The following CUBN variants were observed in gnomAD, a reference collection of about 807,000 sequenced individuals.
The protein encoded by CUBN is 460 kDa receptor.
In CUBN, 282 loss-of-function variants were observed where a neutral mutation model predicts 405.3. The observed-to-expected ratio is 0.70, with a 90% CI of 0.63 to 0.77. The LOEUF is 0.77. Ranked by LOEUF, CUBN falls within the 30% of genes least tolerant of loss-of-function variation. The pLI, the probability that CUBN is intolerant of heterozygous loss-of-function variation, is 0.00. For synonymous variants in CUBN, 1,684 were observed against 1,617.0 expected (o/e 1.04, Z -0.99); for missense variants, 4,514 against 4,475.2 (o/e 1.01, Z -0.25).
chr10:16,927,189 T>G (rs1243684825), intron 41 of CUBN, among the ~76,000 whole-genome samples: 7 of 152,142 alleles, frequency 4.6e-5, no homozygotes, highest in East Asian at 3.9e-4. Context: ...TGTATGTATG[T>G]ATAATGAGTT....
intron 27 of CUBN, among the ~76,000 whole-genome samples, chr10:17,027,901 C>T (rs1834706249): frequency 6.6e-6 from 1 of 152,056 alleles, no homozygotes; most frequent in African/African-American, 2.4e-5. Flanking sequence ...AAAATTATTT[C>T]TTTATTCCCA....
chr10:17,111,132 A>C, intron 8 of CUBN, 82 bp from the exon 9 acceptor site: 1 of 1,431,276 alleles, frequency 7.0e-7, no homozygotes, highest in Non-Finnish European at 9.8e-7. Context: ...ACATATAAAA[A>C]CCTTCTCCAC....
At chr10:17,089,000 T>C (rs183571034) in intron 14 of CUBN, among the ~76,000 whole-genome samples, 7 of 152,324 alleles carry the variant, frequency 4.6e-5, no homozygotes, top group Admixed American at 4.6e-4. Flanking sequence ...TCTTCATTAA[T>C]ACCCACATTT....
intron 21 of CUBN, among the ~76,000 whole-genome samples, chr10:17,066,360 A>G (rs921797361): frequency 1.3e-5 from 2 of 152,180 alleles, no homozygotes; most frequent in Admixed American, 6.5e-5. Flanking sequence ...AGAAGTGACA[A>G]TAAAATAGGA....
intron 31 of CUBN, among the ~76,000 whole-genome samples, chr10:16,978,267 C>G (rs908569121): frequency 6.6e-6 from 1 of 152,086 alleles, no homozygotes; most frequent in African/African-American, 2.4e-5. Flanking sequence ...CAGTAAAGGC[C>G]CTGCAGGAAA....
chr10:16,935,820 C>T (rs1842484466), intron 39 of CUBN, among the ~76,000 whole-genome samples: 1 of 130,398 alleles, frequency 7.7e-6, no homozygotes, highest in South Asian at 2.3e-4. Flanking sequence ...GCGGAGCTTG[C>T]AGAGAGCCGA....
At chr10:16,837,331 G>T (rs1839203243) in intron 62 of CUBN, among the ~76,000 whole-genome samples, 2 of 151,902 alleles carry the variant, frequency 1.3e-5, no homozygotes, top group South Asian at 4.2e-4. Context: ...AGGGAGGGAG[G>T]CTCCACATTC....
At chr10:16,968,345 A>T (rs1464258131) in intron 31 of CUBN, among the ~76,000 whole-genome samples, 2 of 151,814 alleles carry the variant, frequency 1.3e-5, no homozygotes, top group East Asian at 3.9e-4. Context: ...TCCGGATCAC[A>T]TCAGACACTT....
intron 63 of CUBN, among the ~76,000 whole-genome samples, chr10:16,835,826 G>A (rs560627079): frequency 9.9e-5 from 15 of 152,106 alleles, no homozygotes; most frequent in Middle Eastern, 3.4e-3. Context: ...AAAAACCTCT[G>A]AAATATAAAC....
At position 16,872,349 on chromosome 10, in the gene CUBN, C is replaced by CATATATATATATAT. The variant is rs138781700; in HGVS notation, c.9236+2024_9236+2025insATATATATATATAT. 4.3e-3 allele frequency among the ~76,000 whole-genome samples: 643 copies of CATATATATATATAT among 149,038 alleles called. 9 individuals are homozygous for CATATATATATATAT. Among genetic ancestry groups the CATATATATATATAT allele is most frequent in the African/African-American group, 0.015 (598 of 39,624 alleles). On this transcript the variant is annotated intron_variant, in intron 58 of 66. Coordinates refer to ENST00000377833, the MANE Select transcript of CUBN (RefSeq NM_001081.4). ...AAAATACATTTAGATTGTATACATA[C>CATATATATATATAT]ATATATATATAGATAGATAGACAGA...
intron 17 of CUBN, among the ~76,000 whole-genome samples, chr10:17,072,572 G>GA (rs1835765090): frequency 6.6e-6 from 1 of 151,758 alleles, no homozygotes; most frequent in African/African-American, 2.4e-5. Context: ...TTTTAAGTTA[G>GA]AAAAAAATCC....
chr10:17,034,896 T>C (rs1834862084), intron 27 of CUBN, among the ~76,000 whole-genome samples: 1 of 152,030 alleles, frequency 6.6e-6, no homozygotes, highest in African/African-American at 2.4e-5. Flanking sequence ...AAGGAGACAG[T>C]GAAGAGAAGT....
intron 28 of CUBN, among the ~76,000 whole-genome samples, chr10:17,002,235 A>C (rs1833911233): frequency 6.6e-6 from 1 of 152,116 alleles, no homozygotes; most frequent in Non-Finnish European, 1.5e-5. Context: ...ATGATATTTG[A>C]AACTGAAAAA....
intron 62 of CUBN, among the ~76,000 whole-genome samples, chr10:16,838,029 G>T (rs528455305): frequency 1.3e-5 from 2 of 152,168 alleles, no homozygotes; most frequent in Non-Finnish European, 2.9e-5. Context: ...CCACTTGGCT[G>T]TAAGTCCTCT....
intron 31 of CUBN, among the ~76,000 whole-genome samples, chr10:16,967,992 A>G (rs1843450753): frequency 1.7e-5 from 1 of 59,756 alleles, no homozygotes; most frequent in Admixed American, 1.6e-4. Context: ...AGAGAGGAAA[A>G]GAGAGAGAGA....
At chr10:16,948,649 G>A in intron 34 of CUBN, 43 bp from the exon 35 acceptor site, 2 of 1,610,370 alleles carry the variant, frequency 1.2e-6, no homozygotes, top group South Asian at 2.2e-5. Flanking sequence ...ATGACAACAT[G>A]GCAGAGACCG....
At chr10:16,853,063 T>C (rs890747104) in intron 59 of CUBN, among the ~76,000 whole-genome samples, 5 of 152,198 alleles carry the variant, frequency 3.3e-5, no homozygotes, top group South Asian at 4.1e-4. Context: ...CTCAAGATGA[T>C]TAAACGGTCT....
intron 43 of CUBN, among the ~76,000 whole-genome samples, chr10:16,921,482 A>G (rs755896285): frequency 2.0e-4 from 30 of 151,986 alleles, no homozygotes; most frequent in Non-Finnish European, 3.7e-4. Flanking sequence ...CTTCAACCCT[A>G]TGAAAGCACT....
rs144463047 is a variant in CUBN at position 17,050,705 on chromosome 10, C to G, written c.3140-3102G>C. Among the ~76,000 whole-genome samples the G allele has an allele frequency of 2.7e-3, 410 of 152,156 alleles. 2 individuals are homozygous for G. The highest frequency in any genetic ancestry group is 9.5e-3 in the African/African-American group (393 of 41,490). On this transcript the variant is annotated intron_variant, in intron 22 of 66. Coordinates refer to ENST00000377833, the MANE Select transcript of CUBN (RefSeq NM_001081.4). The stretch of plus-strand genomic sequence containing the variant: ...CACCTCAGGCATTCAAATGAGACAC[C>G]TAAAAGGCCATATCTTACAAGTGAA...
Sources: gnomAD v4.1 joint callset for allele counts (sites outside exome capture counted in the v4.1 genomes callset) on GRCh38, gnomAD v4.1.1 for gene constraint, MANE v1.5 for transcripts, NCBI Gene and HGNC (gene_info 2026-07-23, HGNC 2026-07-21) for gene names.